CDCP1: variants seen among roughly 807,000 people sequenced by gnomAD.
The protein encoded by CDCP1 is CUB domain containing protein 1.
CDCP1 carries 29 observed loss-of-function variants against 60.2 expected under a neutral mutation model. That is an observed-to-expected ratio of 0.48 (90% CI 0.36 to 0.66). The LOEUF is 0.66. Among genes scored for constraint, CDCP1 ranks in the 30% least tolerant of loss-of-function variants. The probability of loss-of-function intolerance (pLI) is 0.00; values close to 1 mark genes in which losing one functional copy is unlikely to be tolerated. For synonymous variants in CDCP1, 387 were observed against 431.1 expected, an observed-to-expected ratio of 0.90 and a Z score of 1.27; for missense variants, 876 against 1,074.3, an observed-to-expected ratio of 0.82 and a Z score of 2.58.
intron 4 of CDCP1, among the ~76,000 whole-genome samples, chr3:45,108,225 C>T (rs1051659454): frequency 6.6e-6 from 1 of 152,104 alleles, no homozygotes; most frequent in Non-Finnish European, 1.5e-5. Flanking sequence ...CATAGAGGTT[C>T]AGAGGATCAA....
chr3:45,090,330 C>T (rs1386509278), intron 7 of CDCP1, among the ~76,000 whole-genome samples: 6 of 152,212 alleles, frequency 3.9e-5, no homozygotes, highest in Admixed American at 3.9e-4. Context: ...ACCTGCATTC[C>T]CTTGCTTGAT....
chr3:45,097,048 C>G (rs1559777429), intron 4 of CDCP1, among the ~76,000 whole-genome samples: 1 of 152,164 alleles, frequency 6.6e-6, no homozygotes, highest in Non-Finnish European at 1.5e-5. Context: ...TGGCTCACAC[C>G]TGTAATCCCA....
chr3:45,107,225 G>T lies in CDCP1; in HGVS notation c.1024+3248C>A, dbSNP rs1283716397. Among the ~76,000 whole-genome samples, 13 of 143,116 alleles carry T rather than the reference G, an allele frequency of 9.1e-5. No homozygotes were observed. In the East Asian group the frequency reaches 1.6e-3, roughly 18 times the overall value. The allele number at this position is 143,116 out of a possible 152,430, so 93.9% of individuals were successfully genotyped here. A position where few individuals can be genotyped will look rare whatever the true frequency, so the allele number is the denominator to read the frequency against. ...CTTTCCTTTCTTTCTTTTTTTTTTTGAGATGGAGTCTTGCTGTGTTGCCCA... is the reference window on the plus strand; with the variant it reads ...CTTTCCTTTCTTTCTTTTTTTTTTTTAGATGGAGTCTTGCTGTGTTGCCCA... On this transcript the variant is annotated intron_variant, in intron 4 of 8. Coordinates refer to ENST00000296129, the MANE Select transcript of CDCP1 (RefSeq NM_022842.5).
At position 45,110,573 on chromosome 3, in the gene CDCP1, G is replaced by A. The variant is rs1243906801; in HGVS notation, c.924C>T (p.Asn308=). 6.2e-7 allele frequency: 1 copy of A among 1,614,204 alleles called. No homozygotes were observed. The highest frequency in any genetic ancestry group is 1.7e-5 in the Admixed American group (1 of 60,024). The change falls in exon 4 of 9, where the codon AAC becomes AAT. Residue 308 remains asparagine, a synonymous_variant. Coordinates refer to ENST00000296129, the MANE Select transcript of CDCP1 (RefSeq NM_022842.5). ...CACAGCCTTGCAGAGAGAGGTTGAA[G>A]TTCCCCGCCATGTTCCCAGGCTGCT... is the stretch of plus-strand genomic sequence containing the variant. ...EDKQPGNMAG[N]FNLSLQGCDQ... is the part of the protein sequence containing the mutation.
chr3:45,091,295 T>A lies in CDCP1; in HGVS notation c.1871A>T (p.Asp624Val). 6.2e-7 allele frequency: 1 copy of A among 1,613,976 alleles called. No individual in the cohort carries two copies. Among genetic ancestry groups the A allele is most frequent in the Non-Finnish European group, 8.5e-7 (1 of 1,180,040 alleles). The change falls in exon 7 of 9, where the codon GAT becomes GTT. Residue 624 changes from aspartate to valine, a missense_variant. By Grantham distance (152) the Asp-to-Val change is radical. Around this residue, in one of 2 missense-constraint regions of CDCP1, gnomAD observed 726 missense variants for 935.7 expected, o/e 0.78. Transcript: ENST00000296129. The surrounding 1 kb of genome is among the most constrained non-coding windows in gnomAD (Gnocchi z 4.8). The part of the protein sequence containing the change: ...RAEEIFSLDE[D>V]VLPKPSFHHH... ...GTGGAAGCTTGGCTTGGGGAGCACA[T>A]CCTCGTCCAGGCTGAAGATCTCCTC...
At chr3:45,099,500 G>A (rs1576085705) in intron 4 of CDCP1, among the ~76,000 whole-genome samples, 1 of 152,064 alleles carries the variant, frequency 6.6e-6, no homozygotes, top group Non-Finnish European at 1.5e-5. Context: ...TATATCCATT[G>A]TGTGTGGTGG....
chr3:45,122,264 C>T (rs892532737), intron 1 of CDCP1, among the ~76,000 whole-genome samples: 1 of 151,928 alleles, frequency 6.6e-6, no homozygotes, highest in African/African-American at 2.4e-5. Context: ...CTGCCTCAGC[C>T]TCCCGAGTAG....
chr3:45,113,501 C>T (rs1212330034), intron 2 of CDCP1, among the ~76,000 whole-genome samples: 1 of 152,154 alleles, frequency 6.6e-6, no homozygotes, highest in Non-Finnish European at 1.5e-5. Context: ...CTCTGGCCTC[C>T]ATAATAATAA....
intron 8 of CDCP1, 21 bp from the exon 9 acceptor site, chr3:45,086,088 A>G (rs950563434): frequency 6.2e-7 from 1 of 1,607,552 alleles, no homozygotes. Context: ...AAATGGAACA[A>G]GACAGAAGTC....
chr3:45,108,954 T>TATATATATATATA (rs1224356043), intron 4 of CDCP1, among the ~76,000 whole-genome samples: 1 of 32,704 alleles, frequency 3.1e-5, no homozygotes. Flanking sequence ...TATATATATA[T>TATATATATATATA]TTTTTTTTTT....
chr3:45,141,918 G>GC (rs1199437899), intron 1 of CDCP1, among the ~76,000 whole-genome samples: 1 of 151,916 alleles, frequency 6.6e-6, no homozygotes, highest in Non-Finnish European at 1.5e-5. Context: ...TCCAACCTCT[G>GC]CCCCCCGGGT....
rs201459264 is a variant in CDCP1, at chr3:45,118,518, T to C, written c.186A>G (p.Lys62=). 3 of 1,614,136 alleles carry C rather than the reference T, an allele frequency of 1.9e-6. No homozygotes were observed. Among genetic ancestry groups the C allele is most frequent in the Non-Finnish European group, 2.5e-6 (3 of 1,179,982 alleles). Residue 62 remains lysine (K), a synonymous_variant, in exon 2 of 9, where the codon AAA becomes AAG. Transcript: ENST00000296129. ...TGATGGACAACATGGTTATATGTCTTTTAGAAATGACGATGTAACAGGGTT... is the reference window on the plus strand; with the variant it reads ...TGATGGACAACATGGTTATATGTCTCTTAGAAATGACGATGTAACAGGGTT... ...LAKPCYIVIS[K]RHITMLSIKS...
At chr3:45,107,963 A>G (rs546658698) in intron 4 of CDCP1, among the ~76,000 whole-genome samples, 4 of 152,106 alleles carry the variant, frequency 2.6e-5, no homozygotes, top group East Asian at 1.9e-4. Context: ...CTAAAAATAC[A>G]AAAAATTAGT....
intron 1 of CDCP1, among the ~76,000 whole-genome samples, chr3:45,143,511 C>A (rs1379658057): frequency 6.6e-6 from 1 of 152,172 alleles, no homozygotes; most frequent in African/African-American, 2.4e-5. Context: ...ATGGGATGAT[C>A]CCATTTTTGG....
In CDCP1 at chr3:45,138,554, G is replaced by C. The variant is rs574814973; in HGVS notation, c.82+7652C>G. 3.9e-5 allele frequency among the ~76,000 whole-genome samples: 6 copies of C among 152,352 alleles called. No individual in the cohort carries two copies. The East Asian group carries it at 9.6e-4, about 24-fold the overall frequency. The stretch of plus-strand genomic sequence containing the variant: ...AAAGCTGGCTAATTGATAAAGAAAA[G>C]AGGTTTGGCTGGTTGCGGTGGCTCA... On this transcript the variant is annotated intron_variant, in intron 1 of 8. Coordinates refer to ENST00000296129, the MANE Select transcript of CDCP1 (RefSeq NM_022842.5).
At chr3:45,129,837 G>A (rs1699057578) in intron 1 of CDCP1, among the ~76,000 whole-genome samples, 3 of 152,050 alleles carry the variant, frequency 2.0e-5, no homozygotes, top group African/African-American at 7.2e-5. Flanking sequence ...AGTCAGCAGC[G>A]GGGTGGTTAA....
At chr3:45,098,154 TG>T (rs1698432650) in intron 4 of CDCP1, among the ~76,000 whole-genome samples, 1 of 151,690 alleles carries the variant, frequency 6.6e-6, no homozygotes, top group Admixed American at 6.6e-5. Context: ...ACCAAAGCCA[TG>T]CATGCACATA....
chr3:45,140,119 C>T (rs1699258823), intron 1 of CDCP1, among the ~76,000 whole-genome samples: 1 of 152,234 alleles, frequency 6.6e-6, no homozygotes, highest in Non-Finnish European at 1.5e-5. Flanking sequence ...AGCTGGACCA[C>T]ACATTGCCAA....
chr3:45,097,378 T>C (rs992142483), intron 4 of CDCP1, among the ~76,000 whole-genome samples: 3 of 151,716 alleles, frequency 2.0e-5, no homozygotes, highest in Admixed American at 6.6e-5. Context: ...CTCTTTAGAA[T>C]AGATTACCAG....
Sources: gnomAD v4.1 joint callset for allele counts (sites outside exome capture counted in the v4.1 genomes callset) on GRCh38, gnomAD v4.1.1 for gene constraint, gnomAD v4.1.1 regional missense constraint, Gnocchi (gnomAD v3.1) non-coding constraint, MANE v1.5 for transcripts, NCBI Gene and HGNC (gene_info 2026-07-23, HGNC 2026-07-21) for gene names.